Variants in STMN3 observed in about 807,000 individuals in gnomAD.
The protein encoded by STMN3 is stathmin-3.
STMN3 carries 24 observed loss-of-function variants against 23.2 expected under a neutral mutation model. The ratio of observed to expected loss-of-function variants is 1.03; its 90% CI spans 0.75 to 1.45. The LOEUF (loss-of-function observed/expected upper bound fraction) is 1.45. Among genes scored for constraint, STMN3 ranks in the 40% most tolerant of loss-of-function variants. STMN3 has a pLI of 0.00. For synonymous variants in STMN3, 117 were observed against 103.4 expected (o/e 1.13, Z -0.80); for missense variants, 235 against 237.6 (o/e 0.99, Z 0.07).
intron 2 of STMN3, 92 bp downstream of exon 2, chr20:63,644,122 G>A: frequency 7.2e-7 from 1 of 1,381,904 alleles, no homozygotes; most frequent in Non-Finnish European, 1.0e-6. Flanking sequence ...GAGGCAGCCA[G>A]GACGGGAGTT....
intron 3 of STMN3, among the ~76,000 whole-genome samples, chr20:63,643,089 A>C (rs746659724): frequency 3.3e-5 from 5 of 151,804 alleles, no homozygotes; most frequent in Non-Finnish European, 5.9e-5. Flanking sequence ...GTCTTCACAC[A>C]TGAGGCCCTT....
Position 63,652,652 on chromosome 20 carries a change from G to A in STMN3, c.19+675C>T, listed in dbSNP as rs1030034007. The A allele has an allele frequency of 1.0e-6, 1 of 985,560 alleles. No individual in the cohort carries two copies. Among genetic ancestry groups the A allele is most frequent in the Non-Finnish European group, 1.2e-6 (1 of 830,032 alleles). 61.1% of individuals were successfully genotyped at this position (985,560 alleles called of 1,614,324 possible). A position where few individuals can be genotyped will look rare whatever the true frequency, so the allele number is the denominator to read the frequency against. ...CCCTCTGGTCTCCGGAGGGTTTGGGGATCGCAGTCGCCCCTCCCCCATCCA... is the reference window on the plus strand; with the variant it reads ...CCCTCTGGTCTCCGGAGGGTTTGGGAATCGCAGTCGCCCCTCCCCCATCCA... On this transcript the variant is annotated intron_variant, in intron 1 of 4. Coordinates refer to ENST00000370053, the MANE Select transcript of STMN3 (RefSeq NM_015894.4). This position sits in a 1 kb window ranked among gnomAD's most constrained non-coding sequence, Gnocchi z 5.3.
In STMN3 at chr20:63,652,504, C is replaced by T; in HGVS notation, c.19+823G>A. The T allele has an allele frequency of 2.2e-6, 2 of 925,100 alleles. No homozygotes were observed. Among genetic ancestry groups the T allele is most frequent in the Non-Finnish European group, 2.6e-6 (2 of 774,856 alleles). 57.3% of individuals were successfully genotyped at this position (925,100 alleles called of 1,614,324 possible). Reference sequence around the variant, plus strand: ...CCTGCGTCCAGAATCCGCCCCCCGCCCGGGCCTGCGCCCGCCCCTCCGCCT... The same window carrying T: ...CCTGCGTCCAGAATCCGCCCCCCGCTCGGGCCTGCGCCCGCCCCTCCGCCT... On this transcript the variant is annotated intron_variant, in intron 1 of 4. Coordinates refer to ENST00000370053, the MANE Select transcript of STMN3 (RefSeq NM_015894.4). The surrounding 1 kb of genome is among the most constrained non-coding windows in gnomAD (Gnocchi z 5.3).
Position 63,642,141 on chromosome 20 carries a change from G to C in STMN3, c.450C>G (p.His150Gln). Residue 150 changes from histidine to glutamine, a missense_variant, in exon 4 of 5, where the codon CAC becomes CAG. Coordinates refer to ENST00000370053, the MANE Select transcript of STMN3 (RefSeq NM_015894.4). ...MELSKEIREA[H>Q]LAALRERLRE... ...GCAGCCGCTCGCGCAGTGCGGCCAG[G>C]TGTGCCTCGCGGATCTCCTTGCTGA... 2 of 1,417,450 alleles carry C rather than the reference G, an allele frequency of 1.4e-6. No individual in the cohort carries two copies. The highest frequency in any genetic ancestry group is 1.2e-5 in the South Asian group (1 of 83,112). 87.8% of individuals were successfully genotyped at this position (1,417,450 alleles called of 1,614,324 possible).
chr20:63,641,234 G>A lies in STMN3; in HGVS notation c.*104C>T, dbSNP rs1286354503. The A allele has an allele frequency of 1.0e-6, 1 of 971,762 alleles. No homozygotes were observed. 60.2% of individuals were successfully genotyped at this position (971,762 alleles called of 1,614,324 possible). ...GAGAAGCATGAAGCTGGGGGCGGGG[G>A]TGGGGGAGGAGGAACAAAAGTTGCA... On this transcript the variant is annotated 3_prime_UTR_variant, in exon 5 of 5. Transcript: ENST00000370053.
At chr20:63,642,711 G>T (rs990099302) in intron 3 of STMN3, among the ~76,000 whole-genome samples, 1 of 152,262 alleles carries the variant, frequency 6.6e-6, no homozygotes, top group African/African-American at 2.4e-5. Flanking sequence ...CCACTGAGCA[G>T]AGTAGCTGCT....
At chr20:63,649,773 G>A (rs1231707935) in intron 1 of STMN3, among the ~76,000 whole-genome samples, 4 of 150,538 alleles carry the variant, frequency 2.7e-5, no homozygotes, top group Non-Finnish European at 4.4e-5. Context: ...CTTGTGATCC[G>A]CCCGTCTCAG....
At position 63,643,534 on chromosome 20, in the gene STMN3, G is replaced by C. The variant is rs893280622; in HGVS notation, c.291+222C>G. 31 of 673,962 alleles carry C rather than the reference G, an allele frequency of 4.6e-5. No homozygotes were observed. The African/African-American group carries it at 6.1e-4, about 13-fold the overall frequency. 41.7% of individuals were successfully genotyped at this position (673,962 alleles called of 1,614,324 possible). On this transcript the variant is annotated intron_variant, in intron 3 of 4. Coordinates refer to ENST00000370053, the MANE Select transcript of STMN3 (RefSeq NM_015894.4). The stretch of plus-strand genomic sequence containing the variant: ...AACCTCAAGTGATCTGCCTGCCTCA[G>C]CTTCCCAAAGTTCTGGGATTACAGG...
rs1347716677 is a variant in STMN3 at position 63,640,385 on chromosome 20, T to C, written c.*953A>G. ...GGTGTTGGGGCTGGCTTGGGAACCT[T>C]ACCCGCTGCCCTTCCAACACCTGGA... On this transcript the variant is annotated 3_prime_UTR_variant, in exon 5 of 5. Coordinates refer to ENST00000370053, the MANE Select transcript of STMN3 (RefSeq NM_015894.4). 3 of 152,252 alleles carry C rather than the reference T, an allele frequency of 2.0e-5. No individual in the cohort carries two copies. Among genetic ancestry groups the C allele is most frequent in the African/African-American group, 4.8e-5 (2 of 41,268 alleles). The allele number at this position is 152,252 out of a possible 1,614,324, so 9.4% of individuals were successfully genotyped here. A position where few individuals can be genotyped will look rare whatever the true frequency, so the allele number is the denominator to read the frequency against.
chr20:63,647,862 A>G (rs991484280), intron 1 of STMN3, among the ~76,000 whole-genome samples: 5 of 126,716 alleles, frequency 3.9e-5, no homozygotes, highest in Admixed American at 1.7e-4. Context: ...ATATATACGT[A>G]TATATACACG....
intron 1 of STMN3, among the ~76,000 whole-genome samples, chr20:63,647,664 T>C (rs973701692): frequency 3.2e-5 from 4 of 125,862 alleles, no homozygotes; most frequent in Non-Finnish European, 6.7e-5. Flanking sequence ...ATATATATAA[T>C]ATATATATAC....
intron 1 of STMN3, among the ~76,000 whole-genome samples, chr20:63,650,980 A>T (rs2089854580): frequency 6.7e-6 from 1 of 148,212 alleles, no homozygotes; most frequent in South Asian, 2.1e-4. Flanking sequence ...TTTTTTTAGA[A>T]AGAGTTTCTA....
chr20:63,652,509 C>T lies in STMN3; in HGVS notation c.19+818G>A, dbSNP rs2089868470. 1.1e-6 allele frequency: 1 copy of T among 932,586 alleles called. No homozygotes were observed. Among genetic ancestry groups the T allele is most frequent in the South Asian group, 4.9e-5 (1 of 20,234 alleles). 57.8% of individuals were successfully genotyped at this position (932,586 alleles called of 1,614,324 possible). On this transcript the variant is annotated intron_variant, in intron 1 of 4. Transcript: ENST00000370053. The surrounding 1 kb of genome is among the most constrained non-coding windows in gnomAD (Gnocchi z 5.3). Reference sequence around the variant, plus strand: ...GTCCAGAATCCGCCCCCCGCCCGGGCCTGCGCCCGCCCCTCCGCCTGAGCT... The same window carrying T: ...GTCCAGAATCCGCCCCCCGCCCGGGTCTGCGCCCGCCCCTCCGCCTGAGCT...
chr20:63,647,760 A>G (rs1474585661), intron 1 of STMN3, among the ~76,000 whole-genome samples: 1 of 127,134 alleles, frequency 7.9e-6, no homozygotes, highest in African/African-American at 2.9e-5. Flanking sequence ...TATATAATAT[A>G]TATACATATA....
At chr20:63,647,798 C>T (rs1457917105) in intron 1 of STMN3, among the ~76,000 whole-genome samples, 2 of 113,678 alleles carry the variant, frequency 1.8e-5, no homozygotes, top group Admixed American at 9.7e-5. Context: ...AATATATATA[C>T]GTATATATAC....
intron 3 of STMN3, chr20:63,643,555 A>G (rs1028601953): frequency 1.8e-5 from 15 of 848,170 alleles, no homozygotes; most frequent in Non-Finnish European, 2.1e-5. Flanking sequence ...TTCTGGGATT[A>G]CAGGCGTGAG....
intron 1 of STMN3, among the ~76,000 whole-genome samples, chr20:63,647,675 G>GTATATATACACGTATATATATAA (rs2089820470): frequency 2.0e-5 from 2 of 98,336 alleles, no homozygotes; most frequent in South Asian, 2.8e-4. Flanking sequence ...ATATATATAC[G>GTATATATACACGTATATATATAA]TATATATACA....
At chr20:63,646,342 C>G (rs1161267530) in intron 1 of STMN3, among the ~76,000 whole-genome samples, 1 of 151,978 alleles carries the variant, frequency 6.6e-6, no homozygotes, top group Non-Finnish European at 1.5e-5. Context: ...GGACTTTGGT[C>G]TGACTTGTCA....
chr20:63,644,454 G>T, intron 1 of STMN3, 145 bp from the exon 2 acceptor site: 1 of 639,300 alleles, frequency 1.6e-6, no homozygotes, highest in Admixed American at 2.5e-5. Flanking sequence ...CCACACCGCC[G>T]GCCCCTTCGT....
Sources: gnomAD v4.1 joint callset for allele counts (sites outside exome capture counted in the v4.1 genomes callset) on GRCh38, gnomAD v4.1.1 for gene constraint, Gnocchi (gnomAD v3.1) non-coding constraint, MANE v1.5 for transcripts, NCBI Gene and HGNC (gene_info 2026-07-23, HGNC 2026-07-21) for gene names.